The following VKORC1L1 variants were observed in gnomAD, a reference collection of about 807,000 sequenced individuals.
VKORC1L1 encodes the protein vitamin K epoxide reductase complex subunit 1-like protein 1.
Under a neutral mutation model 18.9 loss-of-function variants are expected in VKORC1L1, and 2 were observed. That is an observed-to-expected ratio of 0.11 (90% CI 0.04 to 0.33). VKORC1L1 has a LOEUF of 0.33. VKORC1L1 is among the 10% of genes least tolerant of loss of function. VKORC1L1 has a pLI of 1.00. For missense variants in VKORC1L1, 123 were observed against 224.1 expected (o/e 0.55, Z 2.88); for synonymous variants, 96 against 100.0 (o/e 0.96, Z 0.24).
At chr7:65,937,516 C>G (rs1789963390) in intron 1 of VKORC1L1, among the ~76,000 whole-genome samples, 1 of 152,188 alleles carries the variant, frequency 6.6e-6, no homozygotes, top group South Asian at 2.1e-4. Context: ...ACCTCAGCCT[C>G]CCTAGTAGCT....
intron 1 of VKORC1L1, among the ~76,000 whole-genome samples, chr7:65,883,497 A>T (rs1242597884): frequency 1.4e-5 from 2 of 146,808 alleles, no homozygotes; most frequent in Admixed American, 6.8e-5. Flanking sequence ...TACTGCTTTA[A>T]TCTTTTTTTG....
intron 1 of VKORC1L1, among the ~76,000 whole-genome samples, chr7:65,882,001 A>G (rs1267403377): frequency 3.3e-5 from 5 of 151,906 alleles, no homozygotes; most frequent in Middle Eastern, 3.2e-3. Flanking sequence ...AATCACTTGA[A>G]CCTGGGAGGC....
At chr7:65,916,182 T>G (rs922614232) in intron 1 of VKORC1L1, among the ~76,000 whole-genome samples, 3 of 151,850 alleles carry the variant, frequency 2.0e-5, no homozygotes, top group African/African-American at 7.3e-5. Context: ...TGATACAGTT[T>G]GTATAGAGAA....
chr7:65,923,594 A>G (rs977981664), intron 1 of VKORC1L1, among the ~76,000 whole-genome samples: 1 of 152,156 alleles, frequency 6.6e-6, no homozygotes, highest in African/African-American at 2.4e-5. Flanking sequence ...AGAAGCAGGA[A>G]GATTTGCAAG....
At chr7:65,882,900 A>G (rs1788951143) in intron 1 of VKORC1L1, among the ~76,000 whole-genome samples, 1 of 152,230 alleles carries the variant, frequency 6.6e-6, no homozygotes, top group South Asian at 2.1e-4. Context: ...ACTTCTGGAC[A>G]GGTGTAATTA....
intron 1 of VKORC1L1, among the ~76,000 whole-genome samples, chr7:65,907,152 G>GT (rs1188887320): frequency 6.6e-6 from 1 of 151,942 alleles, no homozygotes; most frequent in African/African-American, 2.4e-5. Context: ...AAAAATGGAG[G>GT]TTTTTGGCCA....
chr7:65,949,100 T>C (rs1342153957), intron 2 of VKORC1L1, among the ~76,000 whole-genome samples: 1 of 152,192 alleles, frequency 6.6e-6, no homozygotes, highest in Non-Finnish European at 1.5e-5. Flanking sequence ...AAAAATATCA[T>C]ATATTAAGGG....
chr7:65,946,622 G>A (rs1790123214), intron 1 of VKORC1L1, among the ~76,000 whole-genome samples: 1 of 152,096 alleles, frequency 6.6e-6, no homozygotes, highest in Non-Finnish European at 1.5e-5. Flanking sequence ...TCTGTTACAA[G>A]GTGTGTCCAT....
chr7:65,944,444 C>T (rs1199731191), intron 1 of VKORC1L1, among the ~76,000 whole-genome samples: 3 of 151,378 alleles, frequency 2.0e-5, no homozygotes, highest in Non-Finnish European at 4.4e-5. Flanking sequence ...ACAAGAAAGG[C>T]GTAATTATTG....
At chr7:65,949,220 C>A (rs2115738387) in intron 2 of VKORC1L1, among the ~76,000 whole-genome samples, 1 of 152,188 alleles carries the variant, frequency 6.6e-6, no homozygotes, top group East Asian at 1.9e-4. Flanking sequence ...TGGTGCACAC[C>A]TGTAATCCCA....
At chr7:65,874,244 A>G (rs907370522) in intron 1 of VKORC1L1, among the ~76,000 whole-genome samples, 4 of 151,986 alleles carry the variant, frequency 2.6e-5, no homozygotes, top group Non-Finnish European at 5.9e-5. Flanking sequence ...TCCCTCTCGT[A>G]TGTTTCAGTG....
intron 2 of VKORC1L1, among the ~76,000 whole-genome samples, chr7:65,949,350 A>G (rs962842410): frequency 4.6e-5 from 7 of 152,004 alleles, no homozygotes; most frequent in African/African-American, 1.7e-4. Context: ...GAGGTGGTGC[A>G]TGCCTGTAAT....
At chr7:65,937,670 TC>T (rs1178972538) in intron 1 of VKORC1L1, among the ~76,000 whole-genome samples, 1 of 152,142 alleles carries the variant, frequency 6.6e-6, no homozygotes, top group Non-Finnish European at 1.5e-5. Context: ...AACCTCAGCC[TC>T]CCAAAGTGCT....
chr7:65,890,118 T>C (rs13228133), intron 1 of VKORC1L1, among the ~76,000 whole-genome samples: 18,666 of 143,332 alleles, frequency 0.13, 1,331 homozygotes, highest in Middle Eastern at 0.21. Flanking sequence ...CCACCACACC[T>C]GGGTAATTTT....
intron 1 of VKORC1L1, among the ~76,000 whole-genome samples, chr7:65,948,139 G>A (rs556511994): frequency 5.9e-5 from 9 of 152,242 alleles, no homozygotes; most frequent in East Asian, 1.9e-4. Flanking sequence ...GTGTCCCAGC[G>A]GATGTTTGGC....
chr7:65,867,560 C>A, the VKORC1L1 span, among the ~76,000 whole-genome samples: 1 of 151,976 alleles, frequency 6.6e-6, no homozygotes, highest in African/African-American at 2.4e-5. Flanking sequence ...TTCACAAAGC[C>A]TTCTTCAGTC....
upstream of VKORC1L1, among the ~76,000 whole-genome samples, chr7:65,872,978 CT>C (rs1788746690): frequency 7.1e-6 from 1 of 139,866 alleles, no homozygotes; most frequent in African/African-American, 2.5e-5. Context: ...CTCCCCACCC[CT>C]GCCCCGCCCA....
At chr7:65,877,508 C>T (rs978485906) in intron 1 of VKORC1L1, among the ~76,000 whole-genome samples, 3 of 152,052 alleles carry the variant, frequency 2.0e-5, no homozygotes, top group African/African-American at 4.8e-5. Flanking sequence ...CCACCATGCC[C>T]GGCTAATTTT....
At chr7:65,944,193 C>T (rs1562655821) in intron 1 of VKORC1L1, among the ~76,000 whole-genome samples, 2 of 151,786 alleles carry the variant, frequency 1.3e-5, no homozygotes, top group Non-Finnish European at 2.9e-5. Flanking sequence ...ATGATGAAAC[C>T]CTGGCTCTAC....
Sources: gnomAD v4.1 joint callset for allele counts (sites outside exome capture counted in the v4.1 genomes callset) on GRCh38, gnomAD v4.1.1 for gene constraint, MANE v1.5 for transcripts, NCBI Gene and HGNC (gene_info 2026-07-23, HGNC 2026-07-21) for gene names.